The following NEK6 variants were observed in gnomAD, a reference collection of about 807,000 sequenced individuals.
NEK6 encodes the protein NIMA related kinase 6, also known as serine/threonine-protein kinase Nek6.
In NEK6, 27 loss-of-function variants were observed where a neutral mutation model predicts 43.5. The ratio of observed to expected loss-of-function variants is 0.62; its 90% CI spans 0.46 to 0.86. The LOEUF is 0.86. Among genes scored for constraint, NEK6 ranks in the 40% least tolerant of loss-of-function variants. NEK6 has a pLI of 0.00. For synonymous variants in NEK6, 167 were observed against 164.1 expected (o/e 1.02, Z -0.14); for missense variants, 318 against 414.4 (o/e 0.77, Z 2.02).
rs149338546 is a variant in NEK6, at chr9:124,261,262, G to A, written c.-30+3177G>A. 265 of 361,256 alleles carry A rather than the reference G, an allele frequency of 7.3e-4. 1 individual carries two copies. The highest frequency in any genetic ancestry group is 8.6e-4 in the Non-Finnish European group (224 of 259,460). The allele number at this position is 361,256 out of a possible 1,614,324, so 22.4% of individuals were successfully genotyped here. A position where few individuals can be genotyped will look rare whatever the true frequency, so the allele number is the denominator to read the frequency against. On this transcript the variant is annotated intron_variant, in intron 1 of 9. Coordinates refer to ENST00000320246, the MANE Select transcript of NEK6 (RefSeq NM_014397.6). ...CTCGCCCAGGGCCAGAGCTACTGGAGAGAAAGGGCTGCTGTTCACATTTTT... is the reference window on the plus strand; with the variant it reads ...CTCGCCCAGGGCCAGAGCTACTGGAAAGAAAGGGCTGCTGTTCACATTTTT...
At chr9:124,339,911 A>G in intron 8 of NEK6, among the ~76,000 whole-genome samples, 1 of 14,918 alleles carries the variant, frequency 6.7e-5, no homozygotes, top group South Asian at 0.022. Flanking sequence ...GGAAGGGAAG[A>G]CAGAGGGAGC....
intron 3 of NEK6, 113 bp downstream of exon 3, chr9:124,312,762 GC>G (rs1833601950): frequency 2.8e-6 from 3 of 1,074,120 alleles, no homozygotes; most frequent in Non-Finnish European, 2.6e-6. Flanking sequence ...GAGGGAAACA[GC>G]ACTCAACTCA....
chr9:124,323,269 G>T (rs1224022860), intron 5 of NEK6, among the ~76,000 whole-genome samples: 3 of 152,240 alleles, frequency 2.0e-5, no homozygotes, highest in Non-Finnish European at 4.4e-5. Context: ...GCTGTTAGGG[G>T]AGGTGGGCTG....
intron 7 of NEK6, among the ~76,000 whole-genome samples, chr9:124,333,433 G>C (rs1481384144): frequency 1.3e-5 from 2 of 152,320 alleles, no homozygotes; most frequent in East Asian, 3.9e-4. Context: ...TGGGTCAGGG[G>C]GTTGGGGAAC....
At chr9:124,280,765 T>G (rs1365923081) in intron 1 of NEK6, among the ~76,000 whole-genome samples, 1 of 152,226 alleles carries the variant, frequency 6.6e-6, no homozygotes, top group Non-Finnish European at 1.5e-5. Context: ...TTGTGTATAA[T>G]TTCACGCTTT....
intron 1 of NEK6, chr9:124,292,725 C>T (rs1424889240): frequency 3.5e-6 from 4 of 1,127,776 alleles, no homozygotes; most frequent in Non-Finnish European, 3.7e-6. Context: ...AGGCTTCTCC[C>T]TCCTGGCCTC....
chr9:124,264,647 A>G (rs571076772), intron 1 of NEK6, among the ~76,000 whole-genome samples: 1 of 152,152 alleles, frequency 6.6e-6, no homozygotes, highest in South Asian at 2.1e-4. Context: ...GCTACTAAAA[A>G]TACGAAAAAT....
Position 124,278,665 on chromosome 9 carries a change from C to T in NEK6, c.-30+20580C>T, listed in dbSNP as rs549176886. Among the ~76,000 whole-genome samples the T allele has an allele frequency of 3.1e-4, 47 of 152,240 alleles. 2 individuals are homozygous for T. The South Asian group carries it at 3.1e-3, about 10-fold the overall frequency. On this transcript the variant is annotated intron_variant, in intron 1 of 9. Transcript: ENST00000320246. Reference sequence around the variant, plus strand: ...TCAGAATATTTTTAGGTTGAATGGGCGCATGAGGGTGGGGAGACGCATGCG... The same window carrying T: ...TCAGAATATTTTTAGGTTGAATGGGTGCATGAGGGTGGGGAGACGCATGCG...
At chr9:124,339,468 A>T (rs1161138488) in intron 7 of NEK6, 103 bp from the exon 8 acceptor site, 2 of 795,826 alleles carry the variant, frequency 2.5e-6, no homozygotes, top group African/African-American at 3.4e-5. Context: ...ACCGAGGCAC[A>T]ATCTCTCCCC....
intron 1 of NEK6, among the ~76,000 whole-genome samples, chr9:124,260,454 C>T (rs775063733): frequency 5.1e-4 from 77 of 152,202 alleles, no homozygotes; most frequent in Non-Finnish European, 8.2e-4. Context: ...AGTACAGTGG[C>T]GCAATCTCAG....
chr9:124,270,633 A>G (rs1235752535), intron 1 of NEK6, among the ~76,000 whole-genome samples: 1 of 152,154 alleles, frequency 6.6e-6, no homozygotes, highest in African/African-American at 2.4e-5. Flanking sequence ...AGATACTTTC[A>G]GGGTGAGTGC....
chr9:124,324,502 C>G lies in NEK6; in HGVS notation c.406-1828C>G, dbSNP rs1162008394. ...GACTCTGCGCCTCCCCGCTAAATGT[C>G]AGACAGCGCTTATAGGACATGACAT... is the stretch of plus-strand genomic sequence containing the variant. On this transcript the variant is annotated intron_variant, in intron 5 of 9. Transcript: ENST00000320246. This position sits in a 1 kb window ranked among gnomAD's most constrained non-coding sequence, Gnocchi z 5.3. Among the ~76,000 whole-genome samples the G allele has an allele frequency of 6.6e-6, 1 of 152,232 alleles. No homozygotes were observed. The highest frequency in any genetic ancestry group is 1.5e-5 in the Non-Finnish European group (1 of 68,028).
At chr9:124,260,064 T>C (rs1830972333) in intron 1 of NEK6, among the ~76,000 whole-genome samples, 1 of 152,138 alleles carries the variant, frequency 6.6e-6, no homozygotes, top group South Asian at 2.1e-4. Flanking sequence ...CAGAAAATGC[T>C]TTTGGTTTTG....
intron 1 of NEK6, among the ~76,000 whole-genome samples, chr9:124,296,525 C>T (rs893672346): frequency 2.0e-5 from 3 of 152,188 alleles, no homozygotes; most frequent in Non-Finnish European, 4.4e-5. Flanking sequence ...TAGATGACCC[C>T]TGATCATGCC....
upstream of NEK6, chr9:124,257,733 C>T: frequency 6.5e-7 from 1 of 1,528,952 alleles, no homozygotes; most frequent in South Asian, 1.2e-5. Flanking sequence ...TGAGTCTGGG[C>T]CTCAGTCTTC....
At chr9:124,302,634 G>T (rs1409761236) in intron 2 of NEK6, among the ~76,000 whole-genome samples, 2 of 152,240 alleles carry the variant, frequency 1.3e-5, no homozygotes, top group Non-Finnish European at 2.9e-5. Context: ...TTTCTGAACT[G>T]CCTTGTGTAC....
chr9:124,267,356 C>A (rs1831269076), intron 1 of NEK6, among the ~76,000 whole-genome samples: 1 of 152,080 alleles, frequency 6.6e-6, no homozygotes, highest in South Asian at 2.1e-4. Flanking sequence ...TTGGCAGGTC[C>A]GGTCGAGTCC....
At chr9:124,265,306 G>A (rs746740578) in intron 1 of NEK6, among the ~76,000 whole-genome samples, 2 of 152,122 alleles carry the variant, frequency 1.3e-5, no homozygotes, top group Non-Finnish European at 2.9e-5. Context: ...GGCGGATCAC[G>A]AGCTCAGGAG....
In NEK6 at chr9:124,326,202, T is replaced by TCCCCCCCCCCCCC. The variant is rs61223297; in HGVS notation, c.406-117_406-116insCCCCCCCCCCCCC. 339 of 125,128 alleles carry TCCCCCCCCCCCCC rather than the reference T, an allele frequency of 2.7e-3. 56 individuals carry two copies. The highest frequency in any genetic ancestry group is 4.2e-3 in the Non-Finnish European group (217 of 51,118). The allele number at this position is 125,128 out of a possible 1,614,324, so 7.8% of individuals were successfully genotyped here. On this transcript the variant is annotated intron_variant, in intron 5 of 9. Transcript: ENST00000320246. This position sits in a 1 kb window ranked among gnomAD's most constrained non-coding sequence, Gnocchi z 4.5. ...GCTTATTGTTTGCTCAGTGGCTCAA[T>TCCCCCCCCCCCCC]CCCCCCCCCCCGCCCCTGCCAGGCA...
Sources: gnomAD v4.1 joint callset for allele counts (sites outside exome capture counted in the v4.1 genomes callset) on GRCh38, gnomAD v4.1.1 for gene constraint, Gnocchi (gnomAD v3.1) non-coding constraint, MANE v1.5 for transcripts, NCBI Gene and HGNC (gene_info 2026-07-23, HGNC 2026-07-21) for gene names.